The following DSCAM variants were observed in gnomAD, a reference collection of about 807,000 sequenced individuals.
DSCAM encodes the protein cell adhesion molecule DSCAM.
DSCAM carries 47 observed loss-of-function variants against 217.7 expected under a neutral mutation model. The ratio of observed to expected loss-of-function variants is 0.22; its 90% CI spans 0.17 to 0.28. The LOEUF is 0.28. DSCAM is among the 10% of genes least tolerant of loss of function. The probability of loss-of-function intolerance (pLI) is 1.00; values close to 1 mark genes in which losing one functional copy is unlikely to be tolerated. For synonymous variants in DSCAM, 1,056 were observed against 1,015.3 expected (o/e 1.04, Z -0.76); for missense variants, 2,080 against 2,618.3 (o/e 0.79, Z 4.49).
intron 3 of DSCAM, among the ~76,000 whole-genome samples, chr21:40,425,226 G>A (rs756353545): frequency 1.3e-5 from 2 of 151,964 alleles, no homozygotes; most frequent in African/African-American, 2.4e-5. Context: ...ATGTAGCTGA[G>A]ATTAAAATTC....
intron 3 of DSCAM, among the ~76,000 whole-genome samples, chr21:40,567,610 T>C (rs2076774753): frequency 7.2e-5 from 11 of 152,136 alleles, no homozygotes; most frequent in Admixed American, 7.2e-4. Context: ...ATGCCCCTCC[T>C]CATCTCATTC....
At chr21:40,306,704 G>A (rs2074081097) in intron 9 of DSCAM, among the ~76,000 whole-genome samples, 1 of 152,116 alleles carries the variant, frequency 6.6e-6, no homozygotes, top group African/African-American at 2.4e-5. Flanking sequence ...AGATAATCAT[G>A]TGTTTTTTGT....
chr21:40,475,295 G>A (rs997445880), intron 3 of DSCAM, among the ~76,000 whole-genome samples: 7 of 152,262 alleles, frequency 4.6e-5, no homozygotes, highest in Non-Finnish European at 4.4e-5. Flanking sequence ...AGAAGGACAC[G>A]AGGATGGCCC....
At chr21:40,258,711 G>C (rs1164056341) in intron 11 of DSCAM, among the ~76,000 whole-genome samples, 1 of 152,242 alleles carries the variant, frequency 6.6e-6, no homozygotes, top group Non-Finnish European at 1.5e-5. Context: ...GTCATAGCCT[G>C]TTCCTCTTCC....
At chr21:40,182,077 A>C (rs2090810328) in intron 14 of DSCAM, among the ~76,000 whole-genome samples, 1 of 152,130 alleles carries the variant, frequency 6.6e-6, no homozygotes, top group Non-Finnish European at 1.5e-5. Context: ...AGTGGATGCA[A>C]GAGCAACAAG....
At chr21:40,710,564 C>A (rs1367896764) in intron 1 of DSCAM, among the ~76,000 whole-genome samples, 3 of 152,124 alleles carry the variant, frequency 2.0e-5, no homozygotes, top group African/African-American at 7.2e-5. Flanking sequence ...AACTGTTTTT[C>A]TGCTCTTTTC....
intron 1 of DSCAM, among the ~76,000 whole-genome samples, chr21:40,770,917 A>T (rs996525085): frequency 1.3e-5 from 2 of 152,242 alleles, no homozygotes; most frequent in South Asian, 4.1e-4. Flanking sequence ...CAGAAGAGGT[A>T]GAAAGGGTGC....
chr21:40,185,002 T>A (rs187376131), intron 14 of DSCAM, among the ~76,000 whole-genome samples: 4 of 152,132 alleles, frequency 2.6e-5, no homozygotes, highest in Non-Finnish European at 4.4e-5. Flanking sequence ...TTCCATTGAG[T>A]GTCTCCACAT....
chr21:40,030,039 A>G (rs190641684), intron 32 of DSCAM, among the ~76,000 whole-genome samples: 1 of 152,242 alleles, frequency 6.6e-6, no homozygotes. Flanking sequence ...TTCACACACA[A>G]GTACACATGC....
intron 3 of DSCAM, among the ~76,000 whole-genome samples, chr21:40,520,087 AAT>A (rs1568873355): frequency 6.6e-6 from 1 of 152,098 alleles, no homozygotes; most frequent in Admixed American, 6.6e-5. Flanking sequence ...ACTCTAAATG[AAT>A]ATGTTTCCTT....
intron 1 of DSCAM, among the ~76,000 whole-genome samples, chr21:40,814,240 G>A (rs996665892): frequency 1.8e-4 from 27 of 152,222 alleles, no homozygotes; most frequent in African/African-American, 5.8e-4. Context: ...ATGAAGAACC[G>A]CAGAACCATG....
At chr21:40,407,144 C>A (rs1178118249) in intron 3 of DSCAM, among the ~76,000 whole-genome samples, 1 of 151,980 alleles carries the variant, frequency 6.6e-6, no homozygotes, top group Non-Finnish European at 1.5e-5. Flanking sequence ...TTTAAATGTT[C>A]ACACCACAAA....
chr21:40,137,552 G>A (rs1419190026), intron 18 of DSCAM, among the ~76,000 whole-genome samples: 2 of 151,450 alleles, frequency 1.3e-5, no homozygotes, highest in South Asian at 2.1e-4. Flanking sequence ...TTAAACATGA[G>A]TTTCTACAGT....
At chr21:40,382,700 T>A (rs1202577449) in intron 3 of DSCAM, among the ~76,000 whole-genome samples, 1 of 152,222 alleles carries the variant, frequency 6.6e-6, no homozygotes, top group African/African-American at 2.4e-5. Context: ...TGGTTTCAAA[T>A]AGTCTGACCC....
chr21:40,122,095 G>A (rs557723135), intron 20 of DSCAM, among the ~76,000 whole-genome samples: 4 of 152,226 alleles, frequency 2.6e-5, no homozygotes, highest in East Asian at 1.9e-4. Flanking sequence ...GGGGAAATGC[G>A]TTTCTACCCC....
chr21:40,204,017 G>C (rs1284378169), intron 11 of DSCAM, among the ~76,000 whole-genome samples: 9 of 152,168 alleles, frequency 5.9e-5, no homozygotes, highest in Admixed American at 5.9e-4. Context: ...ATATCACGTA[G>C]AATATTAACA....
intron 1 of DSCAM, among the ~76,000 whole-genome samples, chr21:40,709,421 G>T (rs750145813): frequency 6.6e-6 from 1 of 152,116 alleles, no homozygotes; most frequent in East Asian, 1.9e-4. Flanking sequence ...TACACGTGCC[G>T]TGGTGGTTTG....
chr21:40,431,707 A>G (rs1480437830), intron 3 of DSCAM, among the ~76,000 whole-genome samples: 4 of 152,248 alleles, frequency 2.6e-5, no homozygotes, highest in Non-Finnish European at 5.9e-5. Context: ...GTTTATCAGT[A>G]AGGCTTCCAG....
At chr21:40,708,005 T>A (rs2090735887) in intron 2 of DSCAM, among the ~76,000 whole-genome samples, 1 of 152,240 alleles carries the variant, frequency 6.6e-6, no homozygotes, top group Admixed American at 6.5e-5. Flanking sequence ...GATATTAGAT[T>A]GATTCTGTTT....
Sources: allele counts gnomAD v4.1 joint callset (sites outside exome capture counted in the v4.1 genomes callset), GRCh38; gene constraint gnomAD v4.1.1; transcripts MANE v1.5; gene names NCBI Gene and HGNC (gene_info 2026-07-23, HGNC 2026-07-21).